Variants in GPC5 observed in about 807,000 individuals in gnomAD.
GPC5 encodes glypican-5.
GPC5 carries 47 observed loss-of-function variants against 53.9 expected under a neutral mutation model. The ratio of observed to expected loss-of-function variants is 0.87; its 90% CI spans 0.69 to 1.11. GPC5 has a LOEUF of 1.11. Ranked by LOEUF, GPC5 falls within the 50% of genes most tolerant of loss-of-function variation. The pLI, the probability that GPC5 is intolerant of heterozygous loss-of-function variation, is 0.00. For synonymous variants in GPC5, 286 were observed against 263.3 expected (o/e 1.09, Z -0.84); for missense variants, 748 against 713.1 (o/e 1.05, Z -0.56).
intron 7 of GPC5, among the ~76,000 whole-genome samples, chr13:92,643,757 T>C (rs1885671368): frequency 1.3e-5 from 2 of 148,962 alleles, no homozygotes; most frequent in South Asian, 2.1e-4. Flanking sequence ...GGGATAGCAT[T>C]GGGAGATATA....
intron 7 of GPC5, among the ~76,000 whole-genome samples, chr13:92,390,309 G>A (rs2139322621): frequency 6.6e-6 from 1 of 152,246 alleles, no homozygotes; most frequent in East Asian, 1.9e-4. Context: ...TGGATTAGAG[G>A]TGGTAAACCA....
intron 7 of GPC5, among the ~76,000 whole-genome samples, chr13:92,831,687 T>G (rs1167198885): frequency 1.3e-5 from 2 of 152,170 alleles, no homozygotes; most frequent in African/African-American, 4.8e-5. Flanking sequence ...CCCACAAAGA[T>G]GTCTGACTTC....
intron 7 of GPC5, among the ~76,000 whole-genome samples, chr13:92,742,102 T>G (rs61974499): frequency 6.4e-4 from 97 of 151,430 alleles, no homozygotes; most frequent in African/African-American, 2.0e-3. Context: ...ATATACCCAG[T>G]AATGGGATGG....
In GPC5 at chr13:91,940,297, A is replaced by G. The variant is rs181064961; in HGVS notation, c.1401+32240A>G. ...GCTTAGGATCATAGCCTCAAGCTAC[A>G]CCTCTTTTGCTGCAAAGGACATGAT... On this transcript the variant is annotated intron_variant, in intron 6 of 7. Transcript: ENST00000377067. 1.5e-3 allele frequency among the ~76,000 whole-genome samples: 224 copies of G among 152,184 alleles called. 1 individual carries two copies. In the Middle Eastern group the frequency reaches 0.054, roughly 37 times the overall value.
rs183157829 is a variant in GPC5 at position 92,090,631 on chromosome 13, A to T, written c.1402-54199A>T. Among the ~76,000 whole-genome samples the T allele has an allele frequency of 2.6e-5, 4 of 152,330 alleles. No individual in the cohort carries two copies. In the East Asian group the frequency reaches 7.7e-4, roughly 29 times the overall value. ...GTTAAAGCTGTTTAAATAGATTAAG[A>T]CACCTAGGATGGGAAACCCGTTAAT... On this transcript the variant is annotated intron_variant, in intron 6 of 7. Coordinates refer to ENST00000377067, the MANE Select transcript of GPC5 (RefSeq NM_004466.6).
At chr13:92,439,641 G>A (rs1427292324) in intron 7 of GPC5, among the ~76,000 whole-genome samples, 1 of 152,112 alleles carries the variant, frequency 6.6e-6, no homozygotes, top group African/African-American at 2.4e-5. Context: ...GAAAATAAAT[G>A]TATGTTTTTA....
intron 6 of GPC5, among the ~76,000 whole-genome samples, chr13:91,968,754 G>A (rs928838905): frequency 5.9e-5 from 9 of 151,744 alleles, no homozygotes; most frequent in South Asian, 2.1e-4. Context: ...GAGCCACTGC[G>A]CCCGGGCAAT....
rs146445282 is a variant in GPC5 at position 92,293,008 on chromosome 13, C to G, written c.1561+148019C>G. On this transcript the variant is annotated intron_variant, in intron 7 of 7. Transcript: ENST00000377067. Reference sequence around the variant, plus strand: ...TGGGTTTATTTCTTGGTGGTCTGTTCTGTTTCACTGGTCTATGTGTCTATT... The same window carrying G: ...TGGGTTTATTTCTTGGTGGTCTGTTGTGTTTCACTGGTCTATGTGTCTATT... 4.1e-3 allele frequency among the ~76,000 whole-genome samples: 616 copies of G among 151,876 alleles called. 2 individuals are homozygous for G. The highest frequency in any genetic ancestry group is 0.014 in the African/African-American group (596 of 41,386).
chr13:92,708,856 C>CTTTTTTTTTTT (rs1566376292), intron 7 of GPC5, among the ~76,000 whole-genome samples: 1 of 87,018 alleles, frequency 1.1e-5, no homozygotes, highest in African/African-American at 3.8e-5. Context: ...CTGGAAACCG[C>CTTTTTTTTTTT]CTTTTTTTTT....
intron 2 of GPC5, among the ~76,000 whole-genome samples, chr13:91,635,194 A>G (rs912233289): frequency 1.7e-4 from 26 of 152,104 alleles, no homozygotes; most frequent in African/African-American, 5.5e-4. Context: ...ATTTTAATGA[A>G]TGTATTTTCC....
intron 7 of GPC5, among the ~76,000 whole-genome samples, chr13:92,354,717 G>A (rs1259900678): frequency 1.3e-5 from 2 of 152,136 alleles, no homozygotes; most frequent in Non-Finnish European, 2.9e-5. Context: ...CCGATGAGAT[G>A]GGATTTAAGC....
chr13:91,453,510 A>G (rs1162642620), intron 2 of GPC5, among the ~76,000 whole-genome samples: 1 of 152,084 alleles, frequency 6.6e-6, no homozygotes, highest in Non-Finnish European at 1.5e-5. Context: ...CACTTCAGCT[A>G]TACTTTACAG....
chr13:92,415,909 A>G (rs546007019), intron 7 of GPC5, among the ~76,000 whole-genome samples: 2 of 152,320 alleles, frequency 1.3e-5, no homozygotes, highest in South Asian at 4.1e-4. Flanking sequence ...TTTGCCAGAC[A>G]CATTTTTGTG....
At chr13:91,837,772 G>A (rs1469180055) in intron 5 of GPC5, among the ~76,000 whole-genome samples, 2 of 152,116 alleles carry the variant, frequency 1.3e-5, no homozygotes, top group Non-Finnish European at 2.9e-5. Context: ...TCACTGCAAA[G>A]TAGAAGCTGG....
At position 92,364,661 on chromosome 13, in the gene GPC5, C is replaced by T. The variant is rs552288290; in HGVS notation, c.1561+219672C>T. ...AGGAGAATGGCGTGAACCCGGGAGG[C>T]GGAGCTTGCAGTGAGCCTAGATCGC... On this transcript the variant is annotated intron_variant, in intron 7 of 7. Coordinates refer to ENST00000377067, the MANE Select transcript of GPC5 (RefSeq NM_004466.6). Among the ~76,000 whole-genome samples the T allele has an allele frequency of 3.0e-3, 455 of 151,734 alleles. 17 individuals are homozygous for T. The highest frequency in any genetic ancestry group is 0.011 in the African/African-American group (443 of 41,050).
At chr13:92,664,567 G>A (rs1356592728) in intron 7 of GPC5, among the ~76,000 whole-genome samples, 2 of 152,024 alleles carry the variant, frequency 1.3e-5, no homozygotes, top group East Asian at 3.9e-4. Flanking sequence ...GAAAAAGCCT[G>A]TTGATAATCA....
intron 5 of GPC5, among the ~76,000 whole-genome samples, chr13:91,809,053 A>G (rs2038269209): frequency 6.6e-6 from 1 of 152,196 alleles, no homozygotes; most frequent in Non-Finnish European, 1.5e-5. Flanking sequence ...AACTTGAAGG[A>G]CATTGTCTAA....
chr13:92,095,604 G>A (rs1235865509), intron 6 of GPC5, among the ~76,000 whole-genome samples: 4 of 152,028 alleles, frequency 2.6e-5, no homozygotes, highest in Admixed American at 6.6e-5. Flanking sequence ...GAACCATCTC[G>A]GCTCACTGCA....
chr13:91,634,996 C>T (rs76249501), intron 2 of GPC5, among the ~76,000 whole-genome samples: 1 of 151,930 alleles, frequency 6.6e-6, no homozygotes, highest in African/African-American at 2.4e-5. Context: ...ATAATTTAAT[C>T]CCTATATGTG....
Sources: gnomAD v4.1 joint callset for allele counts (sites outside exome capture counted in the v4.1 genomes callset) on GRCh38, gnomAD v4.1.1 for gene constraint, MANE v1.5 for transcripts, NCBI Gene and HGNC (gene_info 2026-07-23, HGNC 2026-07-21) for gene names.